The following SEC24D variants were observed in gnomAD, a reference collection of about 807,000 sequenced individuals.
The protein encoded by SEC24D is SEC24 homolog D, COPII component.
Under a neutral mutation model 116.9 loss-of-function variants are expected in SEC24D, and 69 were observed. That is an observed-to-expected ratio of 0.59 (90% CI 0.49 to 0.72). The LOEUF (loss-of-function observed/expected upper bound fraction) is 0.72, where lower values mean the gene tolerates loss of function less well. Ranked by LOEUF, SEC24D falls within the 30% of genes least tolerant of loss-of-function variation. SEC24D has a pLI of 0.00. For synonymous variants in SEC24D, 405 were observed against 442.8 expected (o/e 0.91, Z 1.07); for missense variants, 1,131 against 1,264.1 (o/e 0.89, Z 1.60).
chr4:118,822,464 C>G (rs1730438460), intron 3 of SEC24D, among the ~76,000 whole-genome samples: 1 of 152,142 alleles, frequency 6.6e-6, no homozygotes, highest in African/African-American at 2.4e-5. Context: ...TCAATCAATT[C>G]CAAGCTAATA....
intron 8 of SEC24D, among the ~76,000 whole-genome samples, chr4:118,771,768 C>G (rs1399298052): frequency 1.3e-5 from 2 of 152,158 alleles, no homozygotes; most frequent in African/African-American, 4.8e-5. Context: ...TTTTAAAAGT[C>G]TTCTTATTTG....
At chr4:118,748,022 T>G (rs777155227) in intron 13 of SEC24D, among the ~76,000 whole-genome samples, 6 of 152,192 alleles carry the variant, frequency 3.9e-5, no homozygotes, top group Non-Finnish European at 7.4e-5. Context: ...TCCCAGCACT[T>G]TGGGAGGCCC....
intron 2 of SEC24D, among the ~76,000 whole-genome samples, chr4:118,827,248 C>T (rs1272508374): frequency 1.3e-5 from 2 of 152,280 alleles, no homozygotes; most frequent in African/African-American, 4.8e-5. Flanking sequence ...GTGTCACTTG[C>T]ACTTCACCCC....
intron 21 of SEC24D, 115 bp downstream of exon 21, chr4:118,731,201 C>T (rs1725666647): frequency 2.4e-6 from 2 of 820,628 alleles, no homozygotes. Flanking sequence ...CTTTCATATA[C>T]AGAAATATAT....
At chr4:118,774,037 A>G (rs1728028177) in intron 8 of SEC24D, among the ~76,000 whole-genome samples, 2 of 152,020 alleles carry the variant, frequency 1.3e-5, no homozygotes, top group Non-Finnish European at 2.9e-5. Context: ...ACATTGTGTT[A>G]GTTCTAAGAC....
At chr4:118,780,519 A>T (rs1047644440) in intron 8 of SEC24D, among the ~76,000 whole-genome samples, 5 of 152,186 alleles carry the variant, frequency 3.3e-5, no homozygotes, top group Non-Finnish European at 7.3e-5. Flanking sequence ...CTTTACTTCC[A>T]ACTATGTGGT....
chr4:118,741,117 TATA>T, intron 15 of SEC24D, 80 bp from the exon 16 acceptor site: 1 of 646,986 alleles, frequency 1.5e-6, no homozygotes, highest in Admixed American at 3.4e-5. Flanking sequence ...AATCCTGAGT[TATA>T]ATAATTATTT....
intron 15 of SEC24D, among the ~76,000 whole-genome samples, chr4:118,743,374 C>T (rs1726334633): frequency 6.6e-6 from 1 of 151,924 alleles, no homozygotes; most frequent in African/African-American, 2.4e-5. Flanking sequence ...CACACACACA[C>T]ACACAGTTGT....
intron 13 of SEC24D, among the ~76,000 whole-genome samples, chr4:118,748,649 G>A (rs926655049): frequency 2.6e-5 from 4 of 151,980 alleles, no homozygotes; most frequent in Non-Finnish European, 4.4e-5. Context: ...CCTTTCCTCT[G>A]AGAGACAAGT....
chr4:118,769,344 C>G (rs1442137937), intron 8 of SEC24D, among the ~76,000 whole-genome samples: 1 of 152,138 alleles, frequency 6.6e-6, no homozygotes, highest in African/African-American at 2.4e-5. Context: ...TCTGCCTTCC[C>G]AACTCTTCTG....
At chr4:118,802,679 C>A (rs1256391904) in intron 7 of SEC24D, among the ~76,000 whole-genome samples, 1 of 152,170 alleles carries the variant, frequency 6.6e-6, no homozygotes, top group African/African-American at 2.4e-5. Flanking sequence ...TGCCTGCTCA[C>A]CCACTCCTTC....
rs1304650855 is a variant in SEC24D, at chr4:118,833,608, C to T, written c.89G>A (p.Gly30Glu). The part of the protein sequence containing the change: ...GLSPPHYGHY[G>E]DPSHTASPTG... ...TGGAGATGCTGTGTGCGACGGATCC[C>T]CATAGTGCCCATAATGAGGTGGAGA... Residue 30 changes from glycine (G) to glutamate (E), a missense_variant, in exon 2 of 23, where the codon GGG becomes GAG. Transcript: ENST00000280551. 6 of 1,613,652 alleles carry T rather than the reference C, an allele frequency of 3.7e-6. No homozygotes were observed. The South Asian group carries it at 5.5e-5, about 15-fold the overall frequency.
intron 2 of SEC24D, chr4:118,833,367 A>G: frequency 4.8e-6 from 2 of 412,620 alleles, no homozygotes; most frequent in East Asian, 3.9e-5. Context: ...GTTTTAGTCT[A>G]TATTTAAAAA....
intron 6 of SEC24D, among the ~76,000 whole-genome samples, chr4:118,808,263 G>A (rs896538509): frequency 2.2e-4 from 33 of 152,128 alleles, no homozygotes; most frequent in African/African-American, 7.5e-4. Flanking sequence ...ACCTGGCTTA[G>A]AGTCATTTTT....
intron 6 of SEC24D, among the ~76,000 whole-genome samples, chr4:118,810,137 T>TGTGTGTGTGTGTGTGTG (rs56961502): frequency 1.2e-4 from 13 of 104,272 alleles, no homozygotes; most frequent in Admixed American, 2.3e-4. Context: ...TGTGTGTGTG[T>TGTGTGTGTGTGTGTGTG]CAGAGGGTAT....
At chr4:118,819,570 T>TAAATG (rs1404525835) in intron 3 of SEC24D, among the ~76,000 whole-genome samples, 1 of 132,452 alleles carries the variant, frequency 7.5e-6, no homozygotes, top group Non-Finnish European at 1.6e-5. Context: ...TCATAGGGAA[T>TAAATG]AAATGAAGTA....
chr4:118,748,161 G>A (rs890698226), intron 13 of SEC24D, among the ~76,000 whole-genome samples: 29 of 152,114 alleles, frequency 1.9e-4, no homozygotes, highest in Admixed American at 1.6e-3. Flanking sequence ...AGCTACTTGG[G>A]AGGGTGAGGC....
chr4:118,805,963 T>G lies in SEC24D; in HGVS notation c.802-9A>C. On this transcript the variant is annotated splice_polypyrimidine_tract_variant and intron_variant, in intron 6 of 22. Coordinates refer to ENST00000280551, the MANE Select transcript of SEC24D (RefSeq NM_014822.4). ...TTCTCAATCACCTGGATCTGATAAA[T>G]AAGACATCAAGAGCCCGTTAAAGTA... is the stretch of plus-strand genomic sequence containing the variant. 1 of 1,573,314 alleles carries G rather than the reference T, an allele frequency of 6.4e-7. No individual in the cohort carries two copies. The highest frequency in any genetic ancestry group is 8.7e-7 in the Non-Finnish European group (1 of 1,150,304).
Position 118,833,650 on chromosome 4 carries a change from T to A in SEC24D, c.47A>T (p.Gln16Leu), listed in dbSNP as rs1730971145. The A allele has an allele frequency of 6.2e-7, 1 of 1,614,022 alleles. No homozygotes were observed. ...AGGTGGAGAAAGGCCTATTCCAGGCTGAGGCTGAGAATACGGAGGTGTAGC... is the reference window on the plus strand; with the variant it reads ...AGGTGGAGAAAGGCCTATTCCAGGCAGAGGCTGAGAATACGGAGGTGTAGC... ...YVATPPYSQP[Q>L]PGIGLSPPHY... The change falls in exon 2 of 23, where the codon CAG becomes CTG. Residue 16 changes from glutamine to leucine, a missense_variant. Gln to Leu is a moderately radical substitution (Grantham distance 113). Coordinates refer to ENST00000280551, the MANE Select transcript of SEC24D (RefSeq NM_014822.4).
Sources: gnomAD v4.1 joint callset for allele counts (sites outside exome capture counted in the v4.1 genomes callset) on GRCh38, gnomAD v4.1.1 for gene constraint, MANE v1.5 for transcripts, NCBI Gene and HGNC (gene_info 2026-07-23, HGNC 2026-07-21) for gene names.